Variants in SMYD3 observed in about 807,000 individuals in gnomAD.
SMYD3 encodes the protein histone-lysine N-methyltransferase SMYD3.
Under a neutral mutation model 57.7 loss-of-function variants are expected in SMYD3, and 36 were observed. That is an observed-to-expected ratio of 0.62 (90% CI 0.48 to 0.82). The LOEUF is 0.82. Ranked by LOEUF, SMYD3 falls within the 40% of genes least tolerant of loss-of-function variation. SMYD3 has a pLI of 0.00. For synonymous variants in SMYD3, 211 were observed against 195.0 expected (o/e 1.08, Z -0.68); for missense variants, 515 against 538.8 (o/e 0.96, Z 0.44).
chr1:246,214,873 T>C (rs527248279), intron 5 of SMYD3, among the ~76,000 whole-genome samples: 1 of 152,334 alleles, frequency 6.6e-6, no homozygotes, highest in Admixed American at 6.5e-5. Flanking sequence ...TATCCACTCA[T>C]GTTTATGTTA....
chr1:245,905,693 G>C (rs1056136886), intron 8 of SMYD3, among the ~76,000 whole-genome samples: 1 of 152,198 alleles, frequency 6.6e-6, no homozygotes. Flanking sequence ...CCTGCTGATT[G>C]TAGAGCCCCA....
At chr1:245,978,800 C>A (rs940944754) in intron 5 of SMYD3, among the ~76,000 whole-genome samples, 1 of 152,134 alleles carries the variant, frequency 6.6e-6, no homozygotes, top group Admixed American at 6.5e-5. Flanking sequence ...CTCATTTCTG[C>A]TCCCATTTCC....
chr1:245,869,983 G>C (rs964242948), intron 8 of SMYD3, among the ~76,000 whole-genome samples: 1 of 152,142 alleles, frequency 6.6e-6, no homozygotes, highest in Admixed American at 6.5e-5. Flanking sequence ...GAACTGACAC[G>C]AATGGTTTCC....
intron 5 of SMYD3, among the ~76,000 whole-genome samples, chr1:246,236,724 C>A (rs976173216): frequency 6.6e-6 from 1 of 152,084 alleles, no homozygotes; most frequent in Non-Finnish European, 1.5e-5. Context: ...GTTGCCCAGG[C>A]TTGTCTCAAA....
At chr1:246,437,048 C>A (rs1445379676) in intron 1 of SMYD3, among the ~76,000 whole-genome samples, 1 of 151,912 alleles carries the variant, frequency 6.6e-6, no homozygotes, top group Non-Finnish European at 1.5e-5. Flanking sequence ...TACAGGCACC[C>A]GCCACCACAC....
chr1:246,211,683 C>T (rs2063091122), intron 5 of SMYD3, among the ~76,000 whole-genome samples: 1 of 151,994 alleles, frequency 6.6e-6, no homozygotes, highest in Non-Finnish European at 1.5e-5. Flanking sequence ...TGAATAGATT[C>T]TTCATATAAA....
At chr1:245,906,755 C>T (rs1354030077) in intron 8 of SMYD3, among the ~76,000 whole-genome samples, 1 of 152,122 alleles carries the variant, frequency 6.6e-6, no homozygotes, top group African/African-American at 2.4e-5. Flanking sequence ...CGTCCATCAG[C>T]AGATGAATGC....
chr1:246,341,049 T>C (rs1302757221), intron 2 of SMYD3, among the ~76,000 whole-genome samples: 1 of 152,224 alleles, frequency 6.6e-6, no homozygotes, highest in Non-Finnish European at 1.5e-5. Context: ...AAAGTTAACT[T>C]TTCCAGCTTT....
intron 1 of SMYD3, among the ~76,000 whole-genome samples, chr1:246,378,179 A>G (rs2066311125): frequency 6.6e-6 from 1 of 152,226 alleles, no homozygotes; most frequent in African/African-American, 2.4e-5. Flanking sequence ...TTTCACAACT[A>G]GGCACTATGA....
chr1:245,858,946 C>T (rs2051394304), intron 9 of SMYD3, among the ~76,000 whole-genome samples: 1 of 152,134 alleles, frequency 6.6e-6, no homozygotes, highest in Non-Finnish European at 1.5e-5. Context: ...GCTTCATACT[C>T]CTAGATGTGT....
chr1:246,332,590 G>A (rs1309338505), intron 3 of SMYD3, among the ~76,000 whole-genome samples: 1 of 152,250 alleles, frequency 6.6e-6, no homozygotes, highest in African/African-American at 2.4e-5. Context: ...CAGATCACCT[G>A]AGGTCAGGAG....
At chr1:246,148,228 C>T (rs917118092) in intron 5 of SMYD3, among the ~76,000 whole-genome samples, 3 of 152,186 alleles carry the variant, frequency 2.0e-5, no homozygotes, top group Admixed American at 6.5e-5. Context: ...AAGCCTCAGG[C>T]TCAGCCAGAG....
At chr1:245,813,805 C>A (rs1432416017) in intron 10 of SMYD3, among the ~76,000 whole-genome samples, 3 of 144,582 alleles carry the variant, frequency 2.1e-5, no homozygotes, top group Non-Finnish European at 1.5e-5. Context: ...GTTTAGATGG[C>A]CTCAGAATAT....
rs180960234 is a variant in SMYD3, at chr1:246,148,071, C to G, written c.531+179130G>C. On this transcript the variant is annotated intron_variant, in intron 5 of 11. Coordinates refer to ENST00000490107, the MANE Select transcript of SMYD3 (RefSeq NM_001167740.2). Reference sequence around the variant, plus strand: ...GTGGAAGGCGGCAGTCCCCGTAAGGCCCCTCCTTCAGACCAGGGAGGGCCT... The same window carrying G: ...GTGGAAGGCGGCAGTCCCCGTAAGGGCCCTCCTTCAGACCAGGGAGGGCCT... Among the ~76,000 whole-genome samples, 1,232 of 152,246 alleles carry G rather than the reference C, an allele frequency of 8.1e-3. 6 individuals are homozygous for G. Among genetic ancestry groups the G allele is most frequent in the South Asian group, 0.04 (193 of 4,814 alleles).
intron 10 of SMYD3, among the ~76,000 whole-genome samples, chr1:245,782,804 T>C (rs1248786199): frequency 2.0e-5 from 3 of 152,170 alleles, no homozygotes; most frequent in Admixed American, 1.3e-4. Flanking sequence ...AATGCCTGAG[T>C]CTAGAAAGAG....
At chr1:246,166,944 C>T (rs993647774) in intron 5 of SMYD3, among the ~76,000 whole-genome samples, 1 of 152,184 alleles carries the variant, frequency 6.6e-6, no homozygotes, top group Admixed American at 6.5e-5. Flanking sequence ...CTCTCGGGTG[C>T]CCCTTCCCAC....
At chr1:246,341,739 T>C (rs1160591200) in intron 2 of SMYD3, among the ~76,000 whole-genome samples, 2 of 152,228 alleles carry the variant, frequency 1.3e-5, no homozygotes, top group Non-Finnish European at 2.9e-5. Context: ...TATTATCATA[T>C]TTCCCTCTCC....
chr1:246,117,953 T>A (rs2061367475), intron 5 of SMYD3, among the ~76,000 whole-genome samples: 1 of 152,160 alleles, frequency 6.6e-6, no homozygotes, highest in African/African-American at 2.4e-5. Flanking sequence ...ATCACGATCA[T>A]CACACATAGT....
At chr1:246,403,171 A>G (rs1480379886) in intron 1 of SMYD3, among the ~76,000 whole-genome samples, 6 of 152,164 alleles carry the variant, frequency 3.9e-5, no homozygotes, top group Non-Finnish European at 7.4e-5. Flanking sequence ...AAATTACTAG[A>G]AGAGTAAGGA....
Sources: allele counts gnomAD v4.1 joint callset (sites outside exome capture counted in the v4.1 genomes callset), GRCh38; gene constraint gnomAD v4.1.1; transcripts MANE v1.5; gene names NCBI Gene and HGNC (gene_info 2026-07-23, HGNC 2026-07-21).